TPO: variants seen among roughly 807,000 people sequenced by gnomAD.
TPO encodes thyroid peroxidase, also known as thyroid microsomal antigen.
In TPO, 78 loss-of-function variants were observed where a neutral mutation model predicts 96.9. The observed-to-expected ratio is 0.81, with a 90% confidence interval of 0.67 to 0.97. The LOEUF is 0.97. Ranked by LOEUF, TPO falls within the 50% of genes least tolerant of loss-of-function variation. TPO has a pLI of 0.00. For synonymous variants in TPO, 547 were observed against 538.0 expected, an observed-to-expected ratio of 1.02 and a Z score of -0.23; for missense variants, 1,252 against 1,274.8, an observed-to-expected ratio of 0.98 and a Z score of 0.27.
intron 13 of TPO, among the ~76,000 whole-genome samples, chr2:1,497,752 GTGAGCTACGTGCTA>G (rs1227478801): frequency 6.6e-6 from 1 of 152,148 alleles, no homozygotes; most frequent in Non-Finnish European, 1.5e-5. Context: ...ACAGTCTCCT[GTGAGCTACGTGCTA>G]TGAGCTGCAC....
At chr2:1,541,116 T>C in intron 16 of TPO, 3 of 1,191,968 alleles carry the variant, frequency 2.5e-6, no homozygotes, top group South Asian at 1.6e-5. Context: ...TGTATGTTTA[T>C]GTTTTACCCC....
At chr2:1,529,969 A>G (rs1465602522) in intron 15 of TPO, among the ~76,000 whole-genome samples, 1 of 78,700 alleles carries the variant, frequency 1.3e-5, no homozygotes, top group Admixed American at 1.8e-4. Flanking sequence ...CAACCTCCCG[A>G]AAACACCCCT....
Position 1,526,533 on chromosome 2 carries a change from A to G in TPO, c.2618+9551A>G, listed in dbSNP as rs1371928619. Among the ~76,000 whole-genome samples, 6 of 131,790 alleles carry G rather than the reference A, an allele frequency of 4.6e-5. No homozygotes were observed. The South Asian group carries it at 1.3e-3, about 28-fold the overall frequency. 86.5% of individuals were successfully genotyped at this position (131,790 alleles called of 152,430 possible). On this transcript the variant is annotated intron_variant, in intron 15 of 16. Transcript: ENST00000329066. ...CCCGCAAATCCTCCCAGTGTTCGCA[A>G]CCTCCTCAAATCCTCTCACTGTGTG... is the stretch of plus-strand genomic sequence containing the variant.
chr2:1,537,470 T>TCAAATCCCCCCACTGTGTGCAACCTCCC (rs1480411869), intron 15 of TPO, among the ~76,000 whole-genome samples: 14 of 46,382 alleles, frequency 3.0e-4, no homozygotes, highest in Non-Finnish European at 5.0e-4. Flanking sequence ...TGCAACCTCC[T>TCAAATCCCCCCACTGTGTGCAACCTCCC]CAAATTCTTC....
intron 15 of TPO, among the ~76,000 whole-genome samples, chr2:1,525,890 A>C (rs57128551): frequency 2.0e-3 from 95 of 48,456 alleles, no homozygotes; most frequent in African/African-American, 5.0e-3. Context: ...CTCAAATCCC[A>C]ATACTGTGTG....
intron 3 of TPO, among the ~76,000 whole-genome samples, chr2:1,426,047 C>T (rs1252764999): frequency 6.8e-6 from 1 of 148,006 alleles, no homozygotes; most frequent in Non-Finnish European, 1.5e-5. Context: ...AGTCCGTGCT[C>T]CTTCCATAAA....
Position 1,398,015 on chromosome 2 carries a change from G to A in TPO, n.180+23613G>A, listed in dbSNP as rs146682830. ...AAGGGTACAAGAAAAGTAGCGTTCC[G>A]CACATTTTCAGGCATGCAACTTCAT... On this transcript the variant is annotated intron_variant and non_coding_transcript_variant, in intron 1 of 5. Transcript: ENST00000497517. Among the ~76,000 whole-genome samples the A allele has an allele frequency of 6.5e-3, 991 of 152,282 alleles. 8 individuals carry two copies. Among genetic ancestry groups the A allele is most frequent in the Non-Finnish European group, 8.9e-3 (603 of 68,024 alleles).
chr2:1,506,132 C>A (rs190305061), intron 14 of TPO, among the ~76,000 whole-genome samples: 114 of 151,696 alleles, frequency 7.5e-4, no homozygotes, highest in African/African-American at 2.7e-3. Context: ...TGAGAACATG[C>A]GGTGTTTGGT....
intron 13 of TPO, 145 bp downstream of exon 13, chr2:1,496,910 G>A: frequency 7.8e-7 from 1 of 1,283,734 alleles, no homozygotes; most frequent in Non-Finnish European, 1.1e-6. Context: ...TAGAAAGCAA[G>A]GGCTCTCCCC....
At chr2:1,380,393 CA>C (rs35109677) in intron 1 of TPO, among the ~76,000 whole-genome samples, 9,276 of 94,942 alleles carry the variant, frequency 0.098, 406 homozygotes, top group East Asian at 0.32. Flanking sequence ...GACTCTGTCT[CA>C]AAAAAAAAAA....
chr2:1,465,311 A>G (rs964006786), intron 7 of TPO, among the ~76,000 whole-genome samples: 2 of 152,158 alleles, frequency 1.3e-5, no homozygotes, highest in Admixed American at 1.3e-4. Flanking sequence ...GCCTTATAGT[A>G]TAGTTTGAAA....
At chr2:1,524,969 C>T (rs200314112) in intron 15 of TPO, among the ~76,000 whole-genome samples, 1 of 132,560 alleles carries the variant, frequency 7.5e-6, no homozygotes, top group African/African-American at 2.9e-5. Context: ...TCCCCAAATC[C>T]CCCCAGTGTG....
chr2:1,420,055 T>A (rs1483263547), intron 2 of TPO, among the ~76,000 whole-genome samples: 5 of 152,202 alleles, frequency 3.3e-5, no homozygotes, highest in Non-Finnish European at 5.9e-5. Context: ...GTTATGTGTC[T>A]CTGGGAGGAA....
intron 15 of TPO, among the ~76,000 whole-genome samples, chr2:1,536,139 T>C (rs1679604366): frequency 4.1e-5 from 1 of 24,408 alleles, no homozygotes; most frequent in Non-Finnish European, 7.4e-5. Flanking sequence ...AATCCCCCAA[T>C]CTATGCAACC....
intron 1 of TPO, among the ~76,000 whole-genome samples, chr2:1,386,695 C>A (rs1661900333): frequency 1.3e-5 from 2 of 152,110 alleles, no homozygotes; most frequent in Admixed American, 1.3e-4. Context: ...TTAATTGGAG[C>A]ATTTAGCCCA....
intron 5 of TPO, among the ~76,000 whole-genome samples, chr2:1,441,210 G>T (rs76776053): frequency 4.1e-4 from 63 of 152,216 alleles, no homozygotes; most frequent in Non-Finnish European, 8.1e-4. Flanking sequence ...TGTTTGTGTG[G>T]TGTAGTCAGT....
intron 2 of TPO, among the ~76,000 whole-genome samples, chr2:1,422,120 A>G (rs1179826246): frequency 6.6e-6 from 1 of 152,222 alleles, no homozygotes; most frequent in Non-Finnish European, 1.5e-5. Context: ...AACCCAAGAG[A>G]GATCCAGCAC....
chr2:1,440,353 G>A (rs1433300430), intron 5 of TPO, among the ~76,000 whole-genome samples: 1 of 151,434 alleles, frequency 6.6e-6, no homozygotes, highest in East Asian at 1.9e-4. Flanking sequence ...ATGTCTGCAT[G>A]TCACAAGTGG....
chr2:1,391,454 C>T (rs1451615348), intron 1 of TPO, among the ~76,000 whole-genome samples: 1 of 152,184 alleles, frequency 6.6e-6, no homozygotes. Flanking sequence ...AGCGTGATGC[C>T]TCCAGCTTTG....
Sources: gnomAD v4.1 joint callset for allele counts (sites outside exome capture counted in the v4.1 genomes callset) on GRCh38, gnomAD v4.1.1 for gene constraint, MANE v1.5 for transcripts, NCBI Gene and HGNC (gene_info 2026-07-23, HGNC 2026-07-21) for gene names.